GABRB2: variants seen among roughly 807,000 people sequenced by gnomAD.
The protein encoded by GABRB2 is gamma-aminobutyric acid receptor subunit beta-2.
Under a neutral mutation model 54.7 loss-of-function variants are expected in GABRB2, and 16 were observed. The ratio of observed to expected loss-of-function variants is 0.29; its 90% CI spans 0.20 to 0.44. The LOEUF is 0.44. Ranked by LOEUF, GABRB2 falls within the 20% of genes least tolerant of loss-of-function variation. The pLI, the probability that GABRB2 is intolerant of heterozygous loss-of-function variation, is 1.00. For missense variants in GABRB2, 355 were observed against 644.0 expected, an observed-to-expected ratio of 0.55 and a Z score of 4.86; for synonymous variants, 244 against 233.8, an observed-to-expected ratio of 1.04 and a Z score of -0.40.
chr5:161,428,287 ACG>A (rs1491430798), intron 4 of GABRB2, among the ~76,000 whole-genome samples: 1 of 128,928 alleles, frequency 7.8e-6, no homozygotes, highest in African/African-American at 3.1e-5. Context: ...TCAGAGAGTT[ACG>A]TGTGTGTGTG....
rs932222691 is a variant in GABRB2, at chr5:161,288,932, A to G, written c.*5149T>C. ...ATTATGTTTAAAATGACGATGGTTG[A>G]ACTCAAATTATTGAACCAAAAACAA... On this transcript the variant is annotated 3_prime_UTR_variant, in exon 10 of 10. Coordinates refer to ENST00000393959, the MANE Select transcript of GABRB2 (RefSeq NM_001371727.1). 10 of 152,194 alleles carry G rather than the reference A, an allele frequency of 6.6e-5. No homozygotes were observed. Among genetic ancestry groups the G allele is most frequent in the African/African-American group, 2.4e-4 (10 of 41,444 alleles). 9.4% of individuals were successfully genotyped at this position (152,194 alleles called of 1,614,324 possible). A position where few individuals can be genotyped will look rare whatever the true frequency, so the allele number is the denominator to read the frequency against.
chr5:161,361,419 G>C (rs1282501098), intron 5 of GABRB2, among the ~76,000 whole-genome samples: 1 of 152,050 alleles, frequency 6.6e-6, no homozygotes, highest in Non-Finnish European at 1.5e-5. Context: ...ATAATTGCAT[G>C]ATATCTATGA....
chr5:161,345,181 TTAAAA>T (rs1220093365), intron 5 of GABRB2, among the ~76,000 whole-genome samples: 30 of 152,220 alleles, frequency 2.0e-4, no homozygotes, highest in African/African-American at 7.2e-4. Flanking sequence ...ATCACAGAAC[TTAAAA>T]TATAATTTAG....
chr5:161,418,133 T>A (rs553834297), intron 4 of GABRB2, among the ~76,000 whole-genome samples: 1 of 152,322 alleles, frequency 6.6e-6, no homozygotes, highest in East Asian at 1.9e-4. Flanking sequence ...CAGGCACTAT[T>A]ATGAAGACAT....
chr5:161,348,891 A>C (rs1754390355), intron 5 of GABRB2, among the ~76,000 whole-genome samples: 1 of 152,126 alleles, frequency 6.6e-6, no homozygotes, highest in African/African-American at 2.4e-5. Flanking sequence ...TATTTTAAAA[A>C]GGAAACTAAT....
chr5:161,484,089 T>G (rs1215905865), intron 3 of GABRB2, among the ~76,000 whole-genome samples: 1 of 151,972 alleles, frequency 6.6e-6, no homozygotes, highest in African/African-American at 2.4e-5. Context: ...CAGAGCTTTA[T>G]TTTATCTGAA....
intron 9 of GABRB2, among the ~76,000 whole-genome samples, chr5:161,318,825 T>A (rs568545594): frequency 6.6e-6 from 1 of 152,048 alleles, no homozygotes; most frequent in Non-Finnish European, 1.5e-5. Flanking sequence ...TGATCGCTTA[T>A]AAATTTTACC....
At chr5:161,355,788 T>C (rs529226342) in intron 5 of GABRB2, among the ~76,000 whole-genome samples, 1 of 152,250 alleles carries the variant, frequency 6.6e-6, no homozygotes, top group East Asian at 1.9e-4. Flanking sequence ...TTTATTTAGA[T>C]GGAAGCTTTG....
intron 5 of GABRB2, among the ~76,000 whole-genome samples, chr5:161,372,841 A>G (rs1755171150): frequency 6.6e-6 from 1 of 152,186 alleles, no homozygotes; most frequent in African/African-American, 2.4e-5. Context: ...TGTACCGAGC[A>G]GTGTGACTTC....
At chr5:161,466,844 A>T (rs559500164) in intron 3 of GABRB2, among the ~76,000 whole-genome samples, 1 of 152,000 alleles carries the variant, frequency 6.6e-6, no homozygotes, top group Non-Finnish European at 1.5e-5. Flanking sequence ...AGACTTCAGC[A>T]TTTATTATCT....
At chr5:161,457,573 G>GT (rs1477681632) in intron 4 of GABRB2, among the ~76,000 whole-genome samples, 1 of 150,852 alleles carries the variant, frequency 6.6e-6, no homozygotes, top group African/African-American at 2.4e-5. Context: ...AGCCTCCCGA[G>GT]TAGCTGGGAC....
chr5:161,318,217 T>C (rs1758101563), intron 9 of GABRB2, among the ~76,000 whole-genome samples: 1 of 151,988 alleles, frequency 6.6e-6, no homozygotes, highest in Non-Finnish European at 1.5e-5. Flanking sequence ...AAAATATATA[T>C]AGAAATTAAA....
intron 5 of GABRB2, among the ~76,000 whole-genome samples, chr5:161,387,950 T>A (rs2910289): frequency 0.74 from 112,295 of 151,964 alleles, 42,058 homozygotes; most frequent in South Asian, 0.86. Flanking sequence ...TAAAACTGGC[T>A]CACAAAGCCA....
intron 3 of GABRB2, among the ~76,000 whole-genome samples, chr5:161,521,565 G>A (rs961577473): frequency 1.4e-4 from 21 of 151,992 alleles, no homozygotes; most frequent in East Asian, 3.9e-4. Flanking sequence ...TCACAGAAAC[G>A]GTGGGAAAAT....
intron 4 of GABRB2, among the ~76,000 whole-genome samples, chr5:161,415,100 A>G (rs77394421): frequency 0.022 from 3,357 of 152,300 alleles, 57 homozygotes; most frequent in Non-Finnish European, 0.034. Context: ...AAATAACTCA[A>G]CGCCACTACT....
intron 9 of GABRB2, among the ~76,000 whole-genome samples, chr5:161,325,238 GCAA>G (rs1322373571): frequency 6.6e-6 from 1 of 152,062 alleles, no homozygotes; most frequent in Non-Finnish European, 1.5e-5. Flanking sequence ...AAGGACAGCA[GCAA>G]CAACATCAAT....
intron 3 of GABRB2, among the ~76,000 whole-genome samples, chr5:161,506,122 G>C (rs1191162711): frequency 6.6e-6 from 1 of 151,978 alleles, no homozygotes; most frequent in African/African-American, 2.4e-5. Context: ...CTCACAGACT[G>C]TAAGGTCAGC....
chr5:161,410,388 T>TCACACACACACA (rs1491564761), intron 5 of GABRB2, among the ~76,000 whole-genome samples: 23 of 149,736 alleles, frequency 1.5e-4, no homozygotes, highest in African/African-American at 4.4e-4. Flanking sequence ...TAAACAGAAT[T>TCACACACACACA]CTCACACACA....
chr5:161,445,631 G>A (rs1398741395), intron 4 of GABRB2, among the ~76,000 whole-genome samples: 1 of 152,040 alleles, frequency 6.6e-6, no homozygotes, highest in Non-Finnish European at 1.5e-5. Flanking sequence ...CTATCTGGAG[G>A]CTTCATCTGC....
Sources: allele counts gnomAD v4.1 joint callset (sites outside exome capture counted in the v4.1 genomes callset), GRCh38; gene constraint gnomAD v4.1.1; transcripts MANE v1.5; gene names NCBI Gene and HGNC (gene_info 2026-07-23, HGNC 2026-07-21).